WWOX: variants seen among roughly 807,000 people sequenced by gnomAD.
WWOX encodes WW domain-containing oxidoreductase.
Under a neutral mutation model 46.2 loss-of-function variants are expected in WWOX, and 69 were observed. The ratio of observed to expected loss-of-function variants is 1.49; its 90% confidence interval spans 1.23 to 1.82. WWOX has a LOEUF of 1.82. Ranked by LOEUF, WWOX falls within the 40% of genes most tolerant of loss-of-function variation. WWOX has a pLI of 0.00. For synonymous variants in WWOX, 359 were observed against 202.6 expected (o/e 1.77, Z -6.56); for missense variants, 919 against 542.6 (o/e 1.69, Z -6.89).
intron 5 of WWOX, among the ~76,000 whole-genome samples, chr16:78,352,548 C>G (rs2081206632): frequency 1.3e-5 from 2 of 152,212 alleles, no homozygotes; most frequent in Admixed American, 6.5e-5. Context: ...TCCTGGTTCT[C>G]TCTCTTCTGC....
chr16:78,863,029 G>C (rs1017923731), intron 8 of WWOX, among the ~76,000 whole-genome samples: 1 of 150,308 alleles, frequency 6.7e-6, no homozygotes, highest in Non-Finnish European at 1.5e-5. Context: ...TGCAACCTTG[G>C]CTCACCACAA....
At chr16:79,164,477 C>A (rs1291139203) in intron 8 of WWOX, among the ~76,000 whole-genome samples, 1 of 151,398 alleles carries the variant, frequency 6.6e-6, no homozygotes, top group Non-Finnish European at 1.5e-5. Context: ...GATGTTCATT[C>A]AGGCAGGGAT....
chr16:78,464,347 G>C (rs564908446), intron 8 of WWOX, among the ~76,000 whole-genome samples: 1 of 146,242 alleles, frequency 6.8e-6, no homozygotes, highest in South Asian at 2.1e-4. Context: ...AGAAGAGAGA[G>C]AAGGAGGAAG....
intron 5 of WWOX, among the ~76,000 whole-genome samples, chr16:78,337,500 A>C (rs1043128022): frequency 5.9e-5 from 9 of 152,108 alleles, no homozygotes; most frequent in Admixed American, 5.2e-4. Context: ...ACTAGTCTAT[A>C]GTTTACATGA....
At chr16:78,435,191 T>A (rs2083306680) in intron 8 of WWOX, among the ~76,000 whole-genome samples, 1 of 152,088 alleles carries the variant, frequency 6.6e-6, no homozygotes, top group South Asian at 2.1e-4. Flanking sequence ...GCAGAGGGAC[T>A]ACCATGTCGG....
chr16:78,303,306 T>G (rs2080075285), intron 5 of WWOX, among the ~76,000 whole-genome samples: 1 of 152,224 alleles, frequency 6.6e-6, no homozygotes, highest in Non-Finnish European at 1.5e-5. Context: ...GTATTTTTTA[T>G]GTTGGTCTCA....
chr16:78,702,100 T>TTATATATATATCTATAAAGTTATATATA (rs2048235209), intron 8 of WWOX, among the ~76,000 whole-genome samples: 1 of 81,262 alleles, frequency 1.2e-5, no homozygotes, highest in Non-Finnish European at 2.1e-5. Flanking sequence ...ATCTATAAAG[T>TTATATATATATCTATAAAGTTATATATA]TATATATATA....
Position 78,497,517 on chromosome 16 carries a change from G to T in WWOX, c.1056+64765G>T, listed in dbSNP as rs543453726. On this transcript the variant is annotated intron_variant, in intron 8 of 8. Coordinates refer to ENST00000566780, the MANE Select transcript of WWOX (RefSeq NM_016373.4). ...CTTTACAGAAAGGAAGCAATGAACA[G>T]AGTGAAGCAGCATCCTACAGAAAGA... 4.0e-5 allele frequency among the ~76,000 whole-genome samples: 5 copies of T among 125,698 alleles called. No individual in the cohort carries two copies. In the South Asian group the frequency reaches 1.1e-3, roughly 29 times the overall value. 82.5% of individuals were successfully genotyped at this position (125,698 alleles called of 152,430 possible).
At chr16:78,704,702 A>T (rs1467238415) in intron 8 of WWOX, among the ~76,000 whole-genome samples, 1 of 152,162 alleles carries the variant, frequency 6.6e-6, no homozygotes, top group Non-Finnish European at 1.5e-5. Context: ...TGTAATAGTA[A>T]GCAGACAGTT....
At chr16:78,177,076 A>C (rs1174664723) in intron 5 of WWOX, among the ~76,000 whole-genome samples, 1 of 152,184 alleles carries the variant, frequency 6.6e-6, no homozygotes, top group Non-Finnish European at 1.5e-5. Context: ...TGTGGTTTGC[A>C]GTTACTCCAG....
At chr16:78,770,622 C>T (rs569579394) in intron 8 of WWOX, among the ~76,000 whole-genome samples, 5 of 152,168 alleles carry the variant, frequency 3.3e-5, no homozygotes, top group Non-Finnish European at 4.4e-5. Context: ...CTCTGGAAAT[C>T]AGCCTGCAGG....
At chr16:79,092,467 C>G (rs2048982086) in intron 8 of WWOX, among the ~76,000 whole-genome samples, 1 of 152,182 alleles carries the variant, frequency 6.6e-6, no homozygotes, top group Non-Finnish European at 1.5e-5. Flanking sequence ...TCATCACCAT[C>G]TCACCACCAG....
At chr16:78,762,338 A>C (rs1320869542) in intron 8 of WWOX, among the ~76,000 whole-genome samples, 1 of 152,156 alleles carries the variant, frequency 6.6e-6, no homozygotes, top group East Asian at 1.9e-4. Context: ...ACAGAATCTC[A>C]GGCCTGACTG....
At chr16:78,566,682 G>T (rs922144604) in intron 8 of WWOX, among the ~76,000 whole-genome samples, 1 of 152,184 alleles carries the variant, frequency 6.6e-6, no homozygotes, top group Non-Finnish European at 1.5e-5. Context: ...GCTCACAACA[G>T]TGCAGTCAGG....
intron 8 of WWOX, among the ~76,000 whole-genome samples, chr16:78,977,456 G>A (rs953196144): frequency 6.6e-6 from 1 of 152,156 alleles, no homozygotes; most frequent in African/African-American, 2.4e-5. Context: ...GAAGCTATAA[G>A]GAGATGAGCT....
At chr16:78,993,273 G>T (rs558446777) in intron 8 of WWOX, among the ~76,000 whole-genome samples, 1 of 151,536 alleles carries the variant, frequency 6.6e-6, no homozygotes, top group Non-Finnish European at 1.5e-5. Flanking sequence ...GGGGTGGGGG[G>T]AGGTTGGGGA....
At chr16:78,200,708 G>GTGAACCTGTC (rs2036203165) in intron 5 of WWOX, among the ~76,000 whole-genome samples, 1 of 151,672 alleles carries the variant, frequency 6.6e-6, no homozygotes, top group Non-Finnish European at 1.5e-5. Flanking sequence ...TTTGCCCAAG[G>GTGAACCTGTC]TGAACCTGTC....
At chr16:78,903,707 C>G (rs2044886134) in intron 8 of WWOX, among the ~76,000 whole-genome samples, 1 of 152,182 alleles carries the variant, frequency 6.6e-6, no homozygotes, top group Non-Finnish European at 1.5e-5. Context: ...ACACTTCGCT[C>G]TAGGCACGTG....
rs62034095 is a variant in WWOX, at chr16:78,432,503, C to T, written c.807C>T (p.Asn269=). The T allele has an allele frequency of 1.5e-3, 2,443 of 1,614,104 alleles. 4 individuals carry two copies. Among genetic ancestry groups the T allele is most frequent in the Non-Finnish European group, 1.9e-3 (2,239 of 1,180,016 alleles). ...TATTTTTAAGATTTACAGATATTAA[C>T]GACTCCTTGGGAAAACTGGACTTCA... ...SSESHRFTDI[N]DSLGKLDFSR... is the part of the protein sequence containing the mutation. The change falls in exon 8 of 9, where the codon AAC becomes AAT. Residue 269 remains asparagine (N), a synonymous_variant. Transcript: ENST00000566780.
Sources: gnomAD v4.1 joint callset for allele counts (sites outside exome capture counted in the v4.1 genomes callset) on GRCh38, gnomAD v4.1.1 for gene constraint, MANE v1.5 for transcripts, NCBI Gene and HGNC (gene_info 2026-07-23, HGNC 2026-07-21) for gene names.